Variants in LMBR1 observed in about 807,000 individuals in gnomAD.
LMBR1 encodes limb region 1 protein homolog.
Under a neutral mutation model 73.9 loss-of-function variants are expected in LMBR1, and 52 were observed. The ratio of observed to expected loss-of-function variants is 0.70; its 90% CI spans 0.56 to 0.89. The LOEUF (loss-of-function observed/expected upper bound fraction) is 0.89, where lower values mean the gene tolerates loss of function less well. Ranked by LOEUF, LMBR1 falls within the 40% of genes least tolerant of loss-of-function variation. The probability of loss-of-function intolerance (pLI) is 0.00; values close to 1 mark genes in which losing one functional copy is unlikely to be tolerated. For missense variants in LMBR1, 539 were observed against 579.8 expected (o/e 0.93, Z 0.72); for synonymous variants, 215 against 209.4 (o/e 1.03, Z -0.23).
At chr7:156,830,442 C>T (rs188871455) in intron 3 of LMBR1, among the ~76,000 whole-genome samples, 2 of 152,206 alleles carry the variant, frequency 1.3e-5, no homozygotes, top group East Asian at 3.9e-4. Flanking sequence ...CATATGGAAA[C>T]AAGACTTTAT....
chr7:156,879,130 C>T (rs1038369535), intron 1 of LMBR1, among the ~76,000 whole-genome samples: 1 of 152,122 alleles, frequency 6.6e-6, no homozygotes, highest in African/African-American at 2.4e-5. Context: ...TAGACACTGG[C>T]TTAGGAAAAG....
chr7:156,863,577 T>G (rs946529573), intron 1 of LMBR1, among the ~76,000 whole-genome samples: 1 of 152,186 alleles, frequency 6.6e-6, no homozygotes, highest in Non-Finnish European at 1.5e-5. Flanking sequence ...TTTGCTTATG[T>G]TCGATTTAGT....
At chr7:156,847,174 A>T (rs1412643241) in intron 1 of LMBR1, among the ~76,000 whole-genome samples, 5 of 152,206 alleles carry the variant, frequency 3.3e-5, no homozygotes, top group Admixed American at 3.3e-4. Flanking sequence ...CAAAGGCTAT[A>T]TAATGAAGAA....
chr7:156,730,036 T>C (rs1816551201), intron 10 of LMBR1, among the ~76,000 whole-genome samples: 1 of 152,180 alleles, frequency 6.6e-6, no homozygotes, highest in African/African-American at 2.4e-5. Flanking sequence ...AATATATAAA[T>C]GGCATGGACC....
chr7:156,701,422 TAGA>T (rs752219340), intron 15 of LMBR1, among the ~76,000 whole-genome samples: 2 of 152,186 alleles, frequency 1.3e-5, no homozygotes, highest in African/African-American at 2.4e-5. Context: ...ATATGATGAG[TAGA>T]AGAAGTCAGG....
intron 5 of LMBR1, among the ~76,000 whole-genome samples, chr7:156,772,502 C>G (rs1202822423): frequency 6.6e-6 from 1 of 152,296 alleles, no homozygotes; most frequent in East Asian, 1.9e-4. Flanking sequence ...ATTCTCACCA[C>G]TCCTATTCAG....
intron 8 of LMBR1, 27 bp downstream of exon 8, chr7:156,762,107 C>T: frequency 2.2e-6 from 3 of 1,373,578 alleles, no homozygotes; most frequent in Non-Finnish European, 3.1e-6. Context: ...ATTTAATAAA[C>T]AAAATGATTT....
chr7:156,867,688 G>T (rs561447691), intron 1 of LMBR1, among the ~76,000 whole-genome samples: 2 of 152,150 alleles, frequency 1.3e-5, no homozygotes, highest in South Asian at 4.1e-4. Flanking sequence ...ATCAATTTAC[G>T]TAAGAAATAT....
chr7:156,833,775 C>T lies in LMBR1; in HGVS notation c.157G>A (p.Asp53Asn), dbSNP rs987719507. 1 of 1,597,712 alleles carries T rather than the reference C, an allele frequency of 6.3e-7. No homozygotes were observed. The highest frequency in any genetic ancestry group is 8.5e-7 in the Non-Finnish European group (1 of 1,171,898). Residue 53 changes from aspartate (D) to asparagine (N), a missense_variant, in exon 3 of 17, where the codon GAT (aspartate) becomes AAT (asparagine). By Grantham distance (23) the Asp-to-Asn change is conservative. This residue lies in a region of LMBR1 where 454 missense variants were observed against 473.4 expected (regional missense o/e 0.96). Transcript: ENST00000353442. ...KRKSDEQEDE[D>N]AIVNRISLFL... ...TACGAAATCCTGTTGACGATGGCAT[C>T]TTCATCTTCTTGTTCATCTGCAAAA...
At chr7:156,832,698 G>C (rs371656279) in intron 3 of LMBR1, among the ~76,000 whole-genome samples, 2 of 152,186 alleles carry the variant, frequency 1.3e-5, no homozygotes, top group African/African-American at 4.8e-5. Flanking sequence ...AAAGCACACA[G>C]AATCTTTCTC....
At chr7:156,731,557 G>C (rs1414303690) in intron 10 of LMBR1, among the ~76,000 whole-genome samples, 1 of 152,114 alleles carries the variant, frequency 6.6e-6, no homozygotes, top group East Asian at 1.9e-4. Context: ...GAAACCAGAA[G>C]ACAGTAGAAC....
intron 1 of LMBR1, among the ~76,000 whole-genome samples, chr7:156,856,620 C>G (rs1797005801): frequency 6.6e-6 from 1 of 151,662 alleles, no homozygotes; most frequent in Non-Finnish European, 1.5e-5. Context: ...ACTCAGGAGA[C>G]TTGAGGCACA....
At chr7:156,849,425 A>C (rs929291443) in intron 1 of LMBR1, among the ~76,000 whole-genome samples, 1 of 152,188 alleles carries the variant, frequency 6.6e-6, no homozygotes, top group Non-Finnish European at 1.5e-5. Flanking sequence ...GTGACAAAAT[A>C]ATCTGTACAC....
chr7:156,684,412 TA>T (rs1189052839), intron 16 of LMBR1, among the ~76,000 whole-genome samples: 2 of 152,126 alleles, frequency 1.3e-5, no homozygotes, highest in African/African-American at 4.8e-5. Context: ...GTGAGGGTCC[TA>T]AGAGCCTGTC....
At chr7:156,802,155 G>GT (rs1442547212) in intron 4 of LMBR1, among the ~76,000 whole-genome samples, 1 of 152,172 alleles carries the variant, frequency 6.6e-6, no homozygotes, top group Non-Finnish European at 1.5e-5. Context: ...GCTAATTTTT[G>GT]TATTTTCAGT....
At chr7:156,819,031 G>A (rs539221641) in intron 4 of LMBR1, among the ~76,000 whole-genome samples, 1 of 152,220 alleles carries the variant, frequency 6.6e-6, no homozygotes, top group East Asian at 1.9e-4. Context: ...AAACCCAGAG[G>A]CCAGAGGATC....
intron 5 of LMBR1, among the ~76,000 whole-genome samples, chr7:156,766,492 A>G (rs559635814): frequency 6.6e-6 from 1 of 152,236 alleles, no homozygotes; most frequent in East Asian, 1.9e-4. Flanking sequence ...ACTAGCATCC[A>G]TGAAACTCGG....
intron 3 of LMBR1, among the ~76,000 whole-genome samples, chr7:156,831,085 T>G (rs539695817): frequency 1.3e-5 from 2 of 152,262 alleles, no homozygotes; most frequent in South Asian, 4.1e-4. Flanking sequence ...AGTGTGGCAC[T>G]TAGGGAAGGC....
At chr7:156,732,075 A>G (rs1261983973) in intron 10 of LMBR1, among the ~76,000 whole-genome samples, 2 of 152,054 alleles carry the variant, frequency 1.3e-5, no homozygotes, top group Admixed American at 6.6e-5. Flanking sequence ...AGAAATGAAA[A>G]TAAATGAACA....
Sources: gnomAD v4.1 joint callset for allele counts (sites outside exome capture counted in the v4.1 genomes callset) on GRCh38, gnomAD v4.1.1 for gene constraint, gnomAD v4.1.1 regional missense constraint, MANE v1.5 for transcripts, NCBI Gene and HGNC (gene_info 2026-07-23, HGNC 2026-07-21) for gene names.